TRAPPC9: variants seen among roughly 807,000 people sequenced by gnomAD.
TRAPPC9 encodes the protein trafficking protein particle complex subunit 9.
In TRAPPC9, 83 loss-of-function variants were observed where a neutral mutation model predicts 124.0. The ratio of observed to expected loss-of-function variants is 0.67; its 90% CI spans 0.56 to 0.80. The LOEUF is 0.80. TRAPPC9 is among the 30% of genes least tolerant of loss of function. The pLI, the probability that TRAPPC9 is intolerant of heterozygous loss-of-function variation, is 0.00. For synonymous variants in TRAPPC9, 638 were observed against 617.5 expected, an observed-to-expected ratio of 1.03 and a Z score of -0.49; for missense variants, 1,302 against 1,508.3, an observed-to-expected ratio of 0.86 and a Z score of 2.27.
chr8:139,853,954 G>A (rs962425485), intron 21 of TRAPPC9, among the ~76,000 whole-genome samples: 1 of 152,148 alleles, frequency 6.6e-6, no homozygotes. Flanking sequence ...TATACCATAC[G>A]TATATAATAC....
At chr8:140,244,867 C>T (rs998553729) in intron 16 of TRAPPC9, among the ~76,000 whole-genome samples, 9 of 138,400 alleles carry the variant, frequency 6.5e-5, no homozygotes, top group Non-Finnish European at 1.2e-4. Context: ...AGTGCAGTGG[C>T]GCAATCTCGG....
At chr8:140,408,198 T>C (rs977477229) in intron 5 of TRAPPC9, among the ~76,000 whole-genome samples, 10 of 151,938 alleles carry the variant, frequency 6.6e-5, no homozygotes, top group Admixed American at 6.6e-4. Flanking sequence ...AGCCTGTAGA[T>C]TACAGGCAGG....
chr8:140,091,996 A>G (rs1023330905), intron 17 of TRAPPC9, among the ~76,000 whole-genome samples: 1 of 150,652 alleles, frequency 6.6e-6, no homozygotes, highest in Non-Finnish European at 1.5e-5. Flanking sequence ...CCCCCAGCCC[A>G]GACCTCTGCT....
intron 17 of TRAPPC9, among the ~76,000 whole-genome samples, chr8:140,189,568 C>G (rs568982638): frequency 2.0e-5 from 3 of 152,084 alleles, no homozygotes; most frequent in Non-Finnish European, 4.4e-5. Context: ...TTTCAGCTAC[C>G]TAAAGAGATG....
intron 17 of TRAPPC9, among the ~76,000 whole-genome samples, chr8:140,033,677 T>TGTTTTG (rs1473241600): frequency 3.0e-5 from 3 of 100,240 alleles, no homozygotes; most frequent in Non-Finnish European, 6.0e-5. Context: ...TTTTTTTTTT[T>TGTTTTG]TTTTTTTTTT....
intron 17 of TRAPPC9, among the ~76,000 whole-genome samples, chr8:140,170,233 T>C (rs760731564): frequency 7.2e-5 from 11 of 152,190 alleles, no homozygotes; most frequent in African/African-American, 1.2e-4. Context: ...GTCACACATG[T>C]GAGAGCCATG....
intron 17 of TRAPPC9, among the ~76,000 whole-genome samples, chr8:140,219,784 C>T (rs902384089): frequency 6.6e-6 from 1 of 152,226 alleles, no homozygotes; most frequent in African/African-American, 2.4e-5. Context: ...CAGCTGTGCA[C>T]ATGCACAAGC....
At chr8:139,994,894 A>C (rs1489138625) in intron 18 of TRAPPC9, among the ~76,000 whole-genome samples, 4 of 152,040 alleles carry the variant, frequency 2.6e-5, no homozygotes, top group Admixed American at 2.6e-4. Context: ...AGGAAAGGTC[A>C]TGGGGAAATA....
chr8:140,102,571 T>C (rs1245972031), intron 17 of TRAPPC9, among the ~76,000 whole-genome samples: 1 of 152,166 alleles, frequency 6.6e-6, no homozygotes, highest in Non-Finnish European at 1.5e-5. Flanking sequence ...CACACATAAC[T>C]TCCTCATTGG....
At chr8:140,072,280 T>A (rs1231009254) in intron 17 of TRAPPC9, among the ~76,000 whole-genome samples, 1 of 152,184 alleles carries the variant, frequency 6.6e-6, no homozygotes, top group Non-Finnish European at 1.5e-5. Context: ...CATGCCGTAA[T>A]CCTAGCACTT....
intron 21 of TRAPPC9, among the ~76,000 whole-genome samples, chr8:139,844,224 G>T (rs1826920892): frequency 6.6e-6 from 1 of 152,222 alleles, no homozygotes; most frequent in South Asian, 2.1e-4. Context: ...TGCCCTGCTG[G>T]TACAGCGCCT....
intron 17 of TRAPPC9, among the ~76,000 whole-genome samples, chr8:140,059,263 T>C (rs1842454658): frequency 6.6e-6 from 1 of 152,226 alleles, no homozygotes; most frequent in African/African-American, 2.4e-5. Context: ...GCATGCTTTG[T>C]TGAAATTCAT....
At chr8:139,882,608 C>G (rs1829739740) in intron 21 of TRAPPC9, among the ~76,000 whole-genome samples, 1 of 152,170 alleles carries the variant, frequency 6.6e-6, no homozygotes, top group South Asian at 2.1e-4. Context: ...CAGGCCTGGT[C>G]CCACCACTGG....
intron 21 of TRAPPC9, among the ~76,000 whole-genome samples, chr8:139,732,789 C>G (rs60881123): frequency 0.032 from 4,902 of 152,318 alleles, 265 homozygotes; most frequent in African/African-American, 0.11. Context: ...GCCTGACACA[C>G]AGCTCAGCAC....
intron 21 of TRAPPC9, among the ~76,000 whole-genome samples, chr8:139,848,759 A>G (rs1321886536): frequency 6.6e-6 from 1 of 152,194 alleles, no homozygotes; most frequent in Non-Finnish European, 1.5e-5. Context: ...TGTTCCCAAC[A>G]AGCCCTTGTT....
At chr8:139,775,633 T>C (rs1226062632) in intron 21 of TRAPPC9, among the ~76,000 whole-genome samples, 1 of 152,162 alleles carries the variant, frequency 6.6e-6, no homozygotes. Context: ...GTTTCCCCCA[T>C]AGATATGGCC....
chr8:140,264,803 C>T (rs867956875), intron 15 of TRAPPC9, among the ~76,000 whole-genome samples: 7 of 152,140 alleles, frequency 4.6e-5, no homozygotes, highest in African/African-American at 7.2e-5. Flanking sequence ...CTTGGGACTG[C>T]AACTAAACAG....
At chr8:140,163,396 T>C (rs918240798) in intron 17 of TRAPPC9, among the ~76,000 whole-genome samples, 6 of 152,194 alleles carry the variant, frequency 3.9e-5, no homozygotes, top group African/African-American at 1.4e-4. Context: ...AAAACAACAG[T>C]AGCTGCCGGA....
chr8:140,029,238 C>T (rs1045326522), intron 17 of TRAPPC9, among the ~76,000 whole-genome samples: 9 of 152,236 alleles, frequency 5.9e-5, no homozygotes, highest in African/African-American at 2.2e-4. Context: ...GGCATTGCGG[C>T]TCATGCCTGT....
Sources: allele counts gnomAD v4.1 joint callset (sites outside exome capture counted in the v4.1 genomes callset), GRCh38; gene constraint gnomAD v4.1.1; transcripts MANE v1.5; gene names NCBI Gene and HGNC (gene_info 2026-07-23, HGNC 2026-07-21).